MDGA2: variants seen among roughly 807,000 people sequenced by gnomAD.
MDGA2 encodes the protein MAM domain containing glycosylphosphatidylinositol anchor 2.
A neutral mutation model predicts 117.8 loss-of-function variants in MDGA2; 40 were observed. The ratio of observed to expected loss-of-function variants is 0.34; its 90% confidence interval spans 0.26 to 0.44. The LOEUF is 0.44. Ranked by LOEUF, MDGA2 falls within the 20% of genes least tolerant of loss-of-function variation. The pLI is 1.00. For synonymous variants in MDGA2, 452 were observed against 439.0 expected (o/e 1.03, Z -0.37); for missense variants, 1,123 against 1,250.6 (o/e 0.90, Z 1.54).
intron 1 of MDGA2, among the ~76,000 whole-genome samples, chr14:47,557,358 G>T (rs565188649): frequency 6.6e-6 from 1 of 152,080 alleles, no homozygotes; most frequent in Non-Finnish European, 1.5e-5. Flanking sequence ...GTCAGAAATT[G>T]GTGTGTCATT....
At chr14:46,972,623 G>T (rs1886313223) in intron 8 of MDGA2, among the ~76,000 whole-genome samples, 1 of 152,042 alleles carries the variant, frequency 6.6e-6, no homozygotes, top group African/African-American at 2.4e-5. Context: ...AACAGGTTTA[G>T]ATCCAAATCC....
chr14:46,889,819 C>T (rs1424844163), intron 10 of MDGA2, among the ~76,000 whole-genome samples: 1 of 151,978 alleles, frequency 6.6e-6, no homozygotes, highest in Non-Finnish European at 1.5e-5. Flanking sequence ...CCAAGTGGGA[C>T]CCAGATCTCA....
At chr14:47,557,184 C>T (rs768484088) in intron 1 of MDGA2, among the ~76,000 whole-genome samples, 1 of 152,134 alleles carries the variant, frequency 6.6e-6, no homozygotes, top group Non-Finnish European at 1.5e-5. Flanking sequence ...GAACTATCCC[C>T]AGAATGACTG....
In MDGA2 at chr14:47,361,207, C is replaced by CTA. The variant is rs1226702812; in HGVS notation, c.281-59659_281-59658dup. On this transcript the variant is annotated intron_variant, in intron 1 of 16. Coordinates refer to ENST00000399232, the MANE Select transcript of MDGA2 (RefSeq NM_001113498.3). ...TTGTACTCTCTCTCTCTCTCTCTCT[C>CTA]TATATATATATATATATATATGGCA... Among the ~76,000 whole-genome samples the CTA allele has an allele frequency of 3.2e-3, 446 of 140,512 alleles. 3 individuals carry two copies. Among genetic ancestry groups the CTA allele is most frequent in the African/African-American group, 8.6e-3 (316 of 36,802 alleles). 92.2% of individuals were successfully genotyped at this position (140,512 alleles called of 152,430 possible). A position where few individuals can be genotyped will look rare whatever the true frequency, so the allele number is the denominator to read the frequency against.
chr14:47,005,031 A>C (rs1887662766), intron 8 of MDGA2, among the ~76,000 whole-genome samples: 1 of 151,612 alleles, frequency 6.6e-6, no homozygotes, highest in Non-Finnish European at 1.5e-5. Context: ...ATTTACATAG[A>C]TGATAAGATC....
At chr14:47,202,961 G>A (rs1044453666) in intron 3 of MDGA2, among the ~76,000 whole-genome samples, 2 of 151,990 alleles carry the variant, frequency 1.3e-5, no homozygotes, top group African/African-American at 4.8e-5. Context: ...TTTCTCTCCA[G>A]TTTGGTGTTT....
chr14:46,997,904 G>A (rs1402057200), intron 8 of MDGA2, among the ~76,000 whole-genome samples: 2 of 152,134 alleles, frequency 1.3e-5, no homozygotes, highest in African/African-American at 2.4e-5. Flanking sequence ...AGTTTTGTGT[G>A]TGACTGATTT....
intron 1 of MDGA2, among the ~76,000 whole-genome samples, chr14:47,337,523 T>C (rs1594804304): frequency 6.6e-6 from 1 of 151,962 alleles, no homozygotes; most frequent in African/African-American, 2.4e-5. Context: ...AATGTAGATA[T>C]AAGGTAAAGA....
intron 1 of MDGA2, among the ~76,000 whole-genome samples, chr14:47,569,254 T>C (rs1252464046): frequency 6.6e-6 from 1 of 152,190 alleles, no homozygotes; most frequent in Non-Finnish European, 1.5e-5. Context: ...AATATGTGTT[T>C]TTAGTGTCCA....
At chr14:47,153,662 A>G (rs1883249167) in intron 3 of MDGA2, among the ~76,000 whole-genome samples, 1 of 150,922 alleles carries the variant, frequency 6.6e-6, no homozygotes, top group Non-Finnish European at 1.5e-5. Flanking sequence ...CCAGTGAGAG[A>G]GGCCTGGGCA....
At chr14:47,277,463 C>A (rs914118843) in intron 2 of MDGA2, among the ~76,000 whole-genome samples, 2 of 152,008 alleles carry the variant, frequency 1.3e-5, no homozygotes, top group Admixed American at 6.6e-5. Context: ...GTTGAGTGAA[C>A]AATTATAAAT....
chr14:47,245,054 C>T (rs1275516471), intron 2 of MDGA2, among the ~76,000 whole-genome samples: 1 of 151,822 alleles, frequency 6.6e-6, no homozygotes. Flanking sequence ...GACAAAGTCT[C>T]ACTCTGTCAC....
intron 7 of MDGA2, among the ~76,000 whole-genome samples, chr14:47,045,991 C>T (rs145700713): frequency 0.23 from 27,510 of 119,780 alleles, 2,730 homozygotes; most frequent in Admixed American, 0.33. Context: ...CATCACACAC[C>T]GGGGACTGTT....
chr14:47,462,095 C>T (rs1380020507), intron 1 of MDGA2, among the ~76,000 whole-genome samples: 3 of 152,122 alleles, frequency 2.0e-5, no homozygotes, highest in Non-Finnish European at 4.4e-5. Flanking sequence ...TTAAATCCAA[C>T]TTGCAAGCGC....
chr14:46,843,041 C>T (rs1428591410), intron 16 of MDGA2, among the ~76,000 whole-genome samples: 4 of 151,990 alleles, frequency 2.6e-5, no homozygotes, highest in Non-Finnish European at 5.9e-5. Context: ...TTATTTATTT[C>T]CCCTAATTTA....
chr14:47,124,456 G>C (rs900606891), intron 5 of MDGA2, among the ~76,000 whole-genome samples: 3 of 152,068 alleles, frequency 2.0e-5, no homozygotes, highest in African/African-American at 7.2e-5. Context: ...TTCTCAGTGA[G>C]GAATAGGCTC....
At chr14:47,336,282 A>T (rs959908935) in intron 1 of MDGA2, among the ~76,000 whole-genome samples, 7 of 151,884 alleles carry the variant, frequency 4.6e-5, no homozygotes, top group Admixed American at 3.3e-4. Flanking sequence ...GAGTGATGGG[A>T]AGCAGGGCAG....
At chr14:46,974,111 A>G (rs1272011209) in intron 8 of MDGA2, among the ~76,000 whole-genome samples, 1 of 152,124 alleles carries the variant, frequency 6.6e-6, no homozygotes, top group East Asian at 1.9e-4. Flanking sequence ...CATTTATAAT[A>G]GTATCAAAAG....
intron 3 of MDGA2, among the ~76,000 whole-genome samples, chr14:47,163,561 C>T (rs114186782): frequency 0.024 from 3,638 of 152,210 alleles, 127 homozygotes; most frequent in African/African-American, 0.083. Context: ...CTCCTCCTTG[C>T]CTTCTACCAT....
Sources: allele counts gnomAD v4.1 joint callset (sites outside exome capture counted in the v4.1 genomes callset), GRCh38; gene constraint gnomAD v4.1.1; transcripts MANE v1.5; gene names NCBI Gene and HGNC (gene_info 2026-07-23, HGNC 2026-07-21).